The following FBXL2 variants were observed in gnomAD, a reference collection of about 807,000 sequenced individuals.
FBXL2 encodes the protein F-box and leucine rich repeat protein 2.
A neutral mutation model predicts 69.2 loss-of-function variants in FBXL2; 38 were observed. The observed-to-expected ratio is 0.55, with a 90% confidence interval of 0.42 to 0.72. FBXL2 has a LOEUF of 0.72. FBXL2 is among the 30% of genes least tolerant of loss of function. FBXL2 has a pLI of 0.00. For synonymous variants in FBXL2, 192 were observed against 201.3 expected (o/e 0.95, Z 0.39); for missense variants, 354 against 520.3 (o/e 0.68, Z 3.11).
At chr3:33,384,348 G>A (rs2043267821) in intron 14 of FBXL2, 147 bp downstream of exon 14, 10 of 711,060 alleles carry the variant, frequency 1.4e-5, no homozygotes, top group Admixed American at 1.3e-4. Flanking sequence ...ACCACTTGAG[G>A]TCAGGAGTTC....
At chr3:33,319,102 A>G (rs916777073) in intron 2 of FBXL2, among the ~76,000 whole-genome samples, 1 of 152,230 alleles carries the variant, frequency 6.6e-6, no homozygotes, top group African/African-American at 2.4e-5. Flanking sequence ...GTCCTGGGAT[A>G]TATCAAGACA....
chr3:33,336,505 ATCTT>A (rs2039589054), intron 2 of FBXL2, among the ~76,000 whole-genome samples: 1 of 152,242 alleles, frequency 6.6e-6, no homozygotes, highest in Non-Finnish European at 1.5e-5. Flanking sequence ...ACACAAGAAT[ATCTT>A]TATAATCTCA....
chr3:33,393,146 G>A (rs2043835860), intron 12 of FBXL2: 1 of 733,918 alleles, frequency 1.4e-6, no homozygotes, highest in Non-Finnish European at 2.0e-6. Context: ...TCACTAGGAT[G>A]CCTGAAACTC....
the FBXL2 span, chr3:33,412,874 A>G: frequency 1.6e-6 from 2 of 1,220,136 alleles, no homozygotes; most frequent in Non-Finnish European, 2.4e-6. Context: ...TGCTCCAGCT[A>G]AAATGCAGGA....
chr3:33,416,897 A>G, the FBXL2 span: 1 of 1,345,620 alleles, frequency 7.4e-7, no homozygotes, highest in African/African-American at 1.4e-5. Flanking sequence ...GCTTAACATA[A>G]TTCAAAATGC....
At chr3:33,375,759 T>A (rs2042594521) in intron 10 of FBXL2, among the ~76,000 whole-genome samples, 1 of 152,176 alleles carries the variant, frequency 6.6e-6, no homozygotes. Flanking sequence ...CCAAAGGACA[T>A]GAGCTTCTCC....
intron 12 of FBXL2, chr3:33,400,172 C>G (rs761979221): frequency 4.0e-5 from 59 of 1,478,328 alleles, no homozygotes; most frequent in Non-Finnish European, 5.0e-5. Context: ...CACAGATACA[C>G]ACACACATAC....
chr3:33,342,853 G>A (rs2040154647), intron 2 of FBXL2, among the ~76,000 whole-genome samples: 1 of 145,270 alleles, frequency 6.9e-6, no homozygotes, highest in Non-Finnish European at 1.5e-5. Context: ...CTCCCGAGTA[G>A]CGTAGCTGGG....
chr3:33,418,860 C>CAAA, the FBXL2 span, among the ~76,000 whole-genome samples: 1 of 76,744 alleles, frequency 1.3e-5, no homozygotes, highest in African/African-American at 5.0e-5. Context: ...ACTCTGTCTC[C>CAAA]AAAAAAAAAA....
At chr3:33,412,676 C>CTAAACAA in the FBXL2 span, 2 of 1,256,212 alleles carry the variant, frequency 1.6e-6, no homozygotes, top group Non-Finnish European at 2.3e-6. Flanking sequence ...CTGGCTATAG[C>CTAAACAA]TAAACAATAC....
chr3:33,309,273 T>A (rs981521449), intron 2 of FBXL2, among the ~76,000 whole-genome samples: 3 of 152,188 alleles, frequency 2.0e-5, no homozygotes, highest in Admixed American at 1.3e-4. Context: ...ATATTTGCTT[T>A]TATATATTTA....
intron 1 of FBXL2, among the ~76,000 whole-genome samples, chr3:33,293,139 A>T (rs1292412647): frequency 6.6e-6 from 1 of 152,220 alleles, no homozygotes. Context: ...TACAGGTGTG[A>T]GCCACTGCAC....
chr3:33,305,685 T>G (rs1181949496), intron 2 of FBXL2, among the ~76,000 whole-genome samples: 2 of 152,032 alleles, frequency 1.3e-5, no homozygotes, highest in East Asian at 3.8e-4. Flanking sequence ...GCTAGAATTT[T>G]CTTTTTGGGA....
At chr3:33,364,594 A>G (rs769498768) in intron 4 of FBXL2, 31 bp from the exon 5 acceptor site, 2 of 1,576,302 alleles carry the variant, frequency 1.3e-6, no homozygotes, top group Admixed American at 3.4e-5. Context: ...AAAAAACAGT[A>G]TTTTTTCCTC....
intron 2 of FBXL2, among the ~76,000 whole-genome samples, chr3:33,305,456 T>A (rs1188996290): frequency 1.3e-5 from 2 of 151,960 alleles, no homozygotes; most frequent in South Asian, 4.1e-4. Flanking sequence ...TTTCTGTGTG[T>A]CAATACTACA....
At chr3:33,384,698 G>T (rs940053642) in intron 14 of FBXL2, among the ~76,000 whole-genome samples, 2 of 152,112 alleles carry the variant, frequency 1.3e-5, no homozygotes, top group African/African-American at 2.4e-5. Context: ...CTTGAGTTGG[G>T]TCTGGGCTGG....
At chr3:33,402,995 A>G in intron 12 of FBXL2, 1 of 1,126,970 alleles carries the variant, frequency 8.9e-7, no homozygotes, top group South Asian at 1.4e-5. Flanking sequence ...CAAATGCAAG[A>G]TTATAAAATG....
At chr3:33,305,074 C>G (rs1355147432) in intron 2 of FBXL2, among the ~76,000 whole-genome samples, 1 of 151,880 alleles carries the variant, frequency 6.6e-6, no homozygotes, top group Non-Finnish European at 1.5e-5. Flanking sequence ...ATCCCATCTT[C>G]TAACTTGTTT....
intron 2 of FBXL2, among the ~76,000 whole-genome samples, chr3:33,336,254 A>G (rs2039569677): frequency 6.6e-6 from 1 of 152,196 alleles, no homozygotes; most frequent in Non-Finnish European, 1.5e-5. Context: ...AAAATACATA[A>G]TTTATTGGCA....
Sources: allele counts gnomAD v4.1 joint callset (sites outside exome capture counted in the v4.1 genomes callset), GRCh38; gene constraint gnomAD v4.1.1; transcripts MANE v1.5; gene names NCBI Gene and HGNC (gene_info 2026-07-23, HGNC 2026-07-21).